PRELID2: variants seen among roughly 807,000 people sequenced by gnomAD.
The protein encoded by PRELID2 is PRELI domain containing 2, also known as PRELI domain-containing protein 2.
Under a neutral mutation model 28.4 loss-of-function variants are expected in PRELID2, and 25 were observed. The observed-to-expected ratio is 0.88, with a 90% CI of 0.64 to 1.23. The LOEUF (loss-of-function observed/expected upper bound fraction) is 1.23, where lower values mean the gene tolerates loss of function less well. Among genes scored for constraint, PRELID2 ranks in the 50% most tolerant of loss-of-function variants. The probability of loss-of-function intolerance (pLI) is 0.00; values close to 1 mark genes in which losing one functional copy is unlikely to be tolerated. For synonymous variants in PRELID2, 76 were observed against 71.6 expected (o/e 1.06, Z -0.31); for missense variants, 201 against 214.4 (o/e 0.94, Z 0.39).
At chr5:145,772,274 T>A (rs962754541) in intron 5 of PRELID2, among the ~76,000 whole-genome samples, 7 of 152,048 alleles carry the variant, frequency 4.6e-5, no homozygotes, top group Admixed American at 3.9e-4. Context: ...AACCTCAATT[T>A]GACAGGAGGC....
chr5:145,663,931 C>T (rs1043484626), intron 1 of PRELID2, among the ~76,000 whole-genome samples: 3 of 152,078 alleles, frequency 2.0e-5, no homozygotes, highest in African/African-American at 7.2e-5. Flanking sequence ...CTAGGGACAT[C>T]TGTTCCTCAA....
chr5:145,308,702 T>C, the PRELID2 span, among the ~76,000 whole-genome samples: 1 of 152,160 alleles, frequency 6.6e-6, no homozygotes. Flanking sequence ...GAACTCTAGT[T>C]GAGCCTTAAC....
At chr5:145,600,434 A>AAATATATATATATATATATATAT (rs1315631607) in intron 1 of PRELID2, among the ~76,000 whole-genome samples, 2 of 120,096 alleles carry the variant, frequency 1.7e-5, no homozygotes, top group African/African-American at 4.1e-5. Context: ...AAAAAAAAAA[A>AAATATATATATATATATATATAT]ATATATATAT....
At chr5:145,392,932 T>C in the PRELID2 span, among the ~76,000 whole-genome samples, 475 of 152,298 alleles carry the variant, frequency 3.1e-3, 3 homozygotes, top group Non-Finnish European at 4.9e-3. Context: ...TCAAACACTT[T>C]GTTTCTGTGT....
At chr5:145,491,369 C>T (rs1300972374) in intron 1 of PRELID2, among the ~76,000 whole-genome samples, 1 of 152,076 alleles carries the variant, frequency 6.6e-6, no homozygotes, top group East Asian at 1.9e-4. Flanking sequence ...AGGGCTCTGC[C>T]TTCATGACTA....
chr5:145,346,450 T>C, the PRELID2 span, among the ~76,000 whole-genome samples: 1 of 152,174 alleles, frequency 6.6e-6, no homozygotes, highest in African/African-American at 2.4e-5. Flanking sequence ...AGGAAAATAC[T>C]ATCCCTTCTC....
chr5:145,273,752 C>T, the PRELID2 span, among the ~76,000 whole-genome samples: 89 of 152,200 alleles, frequency 5.8e-4, no homozygotes, highest in East Asian at 0.015. Context: ...AAAAAAATCA[C>T]TCTTTGGGAA....
chr5:145,421,266 T>A, the PRELID2 span, among the ~76,000 whole-genome samples: 1 of 147,008 alleles, frequency 6.8e-6, no homozygotes, highest in Non-Finnish European at 1.5e-5. Context: ...TTAGGGAGGA[T>A]TCCCTCTTTT....
intron 1 of PRELID2, among the ~76,000 whole-genome samples, chr5:145,474,570 C>T (rs971125261): frequency 2.6e-5 from 4 of 152,136 alleles, no homozygotes; most frequent in Non-Finnish European, 4.4e-5. Context: ...ATTACTCACA[C>T]CTGTTTGGCC....
At chr5:145,701,570 T>C (rs1755407798) in intron 1 of PRELID2, among the ~76,000 whole-genome samples, 1 of 152,200 alleles carries the variant, frequency 6.6e-6, no homozygotes, top group Middle Eastern at 3.2e-3. Context: ...AGGAGTTTGA[T>C]GTAATTCCCT....
intron 5 of PRELID2, among the ~76,000 whole-genome samples, chr5:145,787,553 T>TC (rs1471180502): frequency 4.0e-5 from 6 of 151,358 alleles, no homozygotes; most frequent in Non-Finnish European, 8.9e-5. Context: ...AACAATTTTT[T>TC]TTTTTTTGAC....
At chr5:145,409,750 GAAA>G in the PRELID2 span, among the ~76,000 whole-genome samples, 2 of 104,980 alleles carry the variant, frequency 1.9e-5, no homozygotes, top group Non-Finnish European at 3.9e-5. Context: ...CATCTCTACT[GAAA>G]AAAAAAAAAA....
chr5:145,659,045 T>C (rs1020600988), intron 1 of PRELID2, among the ~76,000 whole-genome samples: 2 of 152,122 alleles, frequency 1.3e-5, no homozygotes, highest in African/African-American at 2.4e-5. Context: ...AAAATGAACC[T>C]ACAGCAGAGG....
At chr5:145,331,378 T>A in the PRELID2 span, among the ~76,000 whole-genome samples, 1 of 152,168 alleles carries the variant, frequency 6.6e-6, no homozygotes, top group Non-Finnish European at 1.5e-5. Flanking sequence ...GATCTTAAAG[T>A]CTCCCACTAC....
At chr5:145,800,673 C>T (rs950128889) in intron 4 of PRELID2, among the ~76,000 whole-genome samples, 2 of 152,088 alleles carry the variant, frequency 1.3e-5, no homozygotes, top group Non-Finnish European at 2.9e-5. Context: ...CTCAGAAAAG[C>T]ACTCTTGGGT....
the PRELID2 span, among the ~76,000 whole-genome samples, chr5:145,421,916 G>A: frequency 1.3e-5 from 2 of 151,796 alleles, no homozygotes; most frequent in Non-Finnish European, 2.9e-5. Context: ...GCGTCCCAGA[G>A]ATTCTGGTAT....
the PRELID2 span, among the ~76,000 whole-genome samples, chr5:145,348,715 G>A: frequency 1.3e-5 from 2 of 151,548 alleles, no homozygotes; most frequent in Admixed American, 1.3e-4. Flanking sequence ...TAATTGTGTA[G>A]AGACATTTAG....
chr5:145,447,442 T>C, the PRELID2 span, among the ~76,000 whole-genome samples: 3 of 150,360 alleles, frequency 2.0e-5, no homozygotes, highest in Non-Finnish European at 4.4e-5. Context: ...ATCTTTTCTT[T>C]TTTTTTTGGT....
intron 1 of PRELID2, among the ~76,000 whole-genome samples, chr5:145,551,670 T>C (rs1307069616): frequency 6.6e-6 from 1 of 152,138 alleles, no homozygotes; most frequent in Non-Finnish European, 1.5e-5. Flanking sequence ...TTACCCACTG[T>C]ATCAGTAAGG....
Sources: allele counts gnomAD v4.1 joint callset (sites outside exome capture counted in the v4.1 genomes callset), GRCh38; gene constraint gnomAD v4.1.1; transcripts MANE v1.5; gene names NCBI Gene and HGNC (gene_info 2026-07-23, HGNC 2026-07-21).